Variants in COL4A1 observed in about 807,000 individuals in gnomAD.
The protein encoded by COL4A1 is collagen alpha-1(IV) chain.
In COL4A1, 40 loss-of-function variants were observed where a neutral mutation model predicts 216.6. The ratio of observed to expected loss-of-function variants is 0.18; its 90% confidence interval spans 0.14 to 0.24. The LOEUF is 0.24. Among genes scored for constraint, COL4A1 ranks in the 10% least tolerant of loss-of-function variants. The pLI is 1.00. For missense variants in COL4A1, 1,628 were observed against 2,196.8 expected (o/e 0.74, Z 5.18); for synonymous variants, 839 against 810.7 (o/e 1.03, Z -0.59).
intron 2 of COL4A1, among the ~76,000 whole-genome samples, chr13:110,241,014 T>C (rs1015207722): frequency 6.6e-6 from 1 of 151,992 alleles, no homozygotes; most frequent in Non-Finnish European, 1.5e-5. Context: ...GGACTAGAGG[T>C]GTGTGCCACC....
chr13:110,203,105 C>A (rs895573219), intron 18 of COL4A1, among the ~76,000 whole-genome samples: 1 of 151,828 alleles, frequency 6.6e-6, no homozygotes, highest in Non-Finnish European at 1.5e-5. Context: ...CACAGCTACA[C>A]GGGGGGCTGA....
chr13:110,277,704 G>A (rs1707868682), intron 1 of COL4A1, among the ~76,000 whole-genome samples: 1 of 152,172 alleles, frequency 6.6e-6, no homozygotes, highest in African/African-American at 2.4e-5. Context: ...TTGGAACCAG[G>A]CATTTCAGAT....
chr13:110,180,072 C>T (rs1878075127), intron 29 of COL4A1, among the ~76,000 whole-genome samples: 1 of 152,166 alleles, frequency 6.6e-6, no homozygotes, highest in South Asian at 2.1e-4. Flanking sequence ...AATGATATTT[C>T]CAGAGAGGGA....
chr13:110,302,971 A>C (rs1884553824), intron 1 of COL4A1, among the ~76,000 whole-genome samples: 2 of 152,216 alleles, frequency 1.3e-5, no homozygotes, highest in South Asian at 4.1e-4. Context: ...AACAAATATC[A>C]TAGAATTCAT....
At chr13:110,219,690 G>GTATATATATGTATATATATGTATA (rs770674866) in intron 2 of COL4A1, among the ~76,000 whole-genome samples, 1 of 135,090 alleles carries the variant, frequency 7.4e-6, no homozygotes, top group South Asian at 2.2e-4. Flanking sequence ...GTATATATAT[G>GTATATATATGTATATATATGTATA]TATATATATG....
intron 1 of COL4A1, among the ~76,000 whole-genome samples, chr13:110,271,986 C>T (rs896270275): frequency 6.6e-6 from 1 of 152,178 alleles, no homozygotes; most frequent in Admixed American, 6.5e-5. Context: ...GCCAGTTTTA[C>T]AGGTACACTA....
At chr13:110,279,311 C>T (rs1346834617) in intron 1 of COL4A1, among the ~76,000 whole-genome samples, 1 of 152,132 alleles carries the variant, frequency 6.6e-6, no homozygotes, top group Non-Finnish European at 1.5e-5. Context: ...AGTCCAGTTC[C>T]ACACCTGAGG....
At chr13:110,184,821 C>T (rs1438495032) in intron 26 of COL4A1, among the ~76,000 whole-genome samples, 3 of 152,174 alleles carry the variant, frequency 2.0e-5, no homozygotes, top group Non-Finnish European at 4.4e-5. Context: ...AGCAATTCTC[C>T]TGCCTCAGCC....
At chr13:110,177,720 T>C in intron 33 of COL4A1, 122 bp downstream of exon 33, 2 of 982,934 alleles carry the variant, frequency 2.0e-6, no homozygotes. Context: ...TTCTGCTTGA[T>C]GTTCCTAACT....
chr13:110,169,909 A>G, intron 42 of COL4A1, 147 bp from the exon 43 acceptor site: 1 of 506,452 alleles, frequency 2.0e-6, no homozygotes, highest in Non-Finnish European at 3.2e-6. Flanking sequence ...AAATCGAGGC[A>G]GGTCCAGGAA....
intron 1 of COL4A1, among the ~76,000 whole-genome samples, chr13:110,246,658 T>C (rs1881826807): frequency 6.6e-6 from 1 of 152,190 alleles, no homozygotes; most frequent in African/African-American, 2.4e-5. Flanking sequence ...GCTGGCTGCA[T>C]ATCTGAGGGC....
At chr13:110,205,258 T>G in intron 17 of COL4A1, 95 bp downstream of exon 17, 1 of 1,453,590 alleles carries the variant, frequency 6.9e-7, no homozygotes, top group East Asian at 2.3e-5. Flanking sequence ...TTTTTTCCCT[T>G]GAGTACAGAG....
At chr13:110,216,507 G>A (rs1880093375) in intron 2 of COL4A1, among the ~76,000 whole-genome samples, 1 of 152,322 alleles carries the variant, frequency 6.6e-6, no homozygotes, top group Admixed American at 6.5e-5. Flanking sequence ...CCATGTAGAA[G>A]CTTTCTAATA....
intron 2 of COL4A1, among the ~76,000 whole-genome samples, chr13:110,214,770 T>C (rs148966860): frequency 5.5e-4 from 84 of 152,290 alleles, no homozygotes; most frequent in Non-Finnish European, 9.1e-4. Context: ...GTTCCCAGGC[T>C]TGCAGGCGGC....
chr13:110,179,103 A>G, intron 30 of COL4A1, 67 bp from the exon 31 acceptor site: 3 of 1,532,342 alleles, frequency 2.0e-6, no homozygotes, highest in Non-Finnish European at 2.7e-6. Flanking sequence ...TAGGAGACCC[A>G]TGCACACGAA....
intron 1 of COL4A1, among the ~76,000 whole-genome samples, chr13:110,249,060 C>T (rs576546223): frequency 1.3e-5 from 2 of 151,946 alleles, no homozygotes; most frequent in Non-Finnish European, 2.9e-5. Context: ...CCAAGAATGC[C>T]CTAAAAAAGA....
chr13:110,216,141 A>G (rs1880064158), intron 2 of COL4A1, among the ~76,000 whole-genome samples: 1 of 152,110 alleles, frequency 6.6e-6, no homozygotes, highest in African/African-American at 2.4e-5. Context: ...CACAGACGTG[A>G]CTCCACGAGG....
chr13:110,208,963 C>A, intron 11 of COL4A1, 73 bp from the exon 12 acceptor site: 1 of 1,439,028 alleles, frequency 6.9e-7, no homozygotes, highest in African/African-American at 1.4e-5. Context: ...AAACCTCACA[C>A]AAAATGCAAT....
chr13:110,280,693 C>A (rs905276764), intron 1 of COL4A1, among the ~76,000 whole-genome samples: 1 of 152,196 alleles, frequency 6.6e-6, no homozygotes, highest in East Asian at 1.9e-4. Context: ...GAAAAATCCC[C>A]TTTTCAATAA....
Sources: allele counts gnomAD v4.1 joint callset (sites outside exome capture counted in the v4.1 genomes callset), GRCh38; gene constraint gnomAD v4.1.1; transcripts MANE v1.5; gene names NCBI Gene and HGNC (gene_info 2026-07-23, HGNC 2026-07-21).